GLIS3: variants seen among roughly 807,000 people sequenced by gnomAD.
The protein encoded by GLIS3 is zinc finger protein GLIS3.
Under a neutral mutation model 78.6 loss-of-function variants are expected in GLIS3, and 53 were observed. The ratio of observed to expected loss-of-function variants is 0.67; its 90% CI spans 0.54 to 0.85. The LOEUF is 0.85. GLIS3 is among the 40% of genes least tolerant of loss of function. GLIS3 has a pLI of 0.00. For synonymous variants in GLIS3, 684 were observed against 509.9 expected, an observed-to-expected ratio of 1.34 and a Z score of -4.60; for missense variants, 1,703 against 1,231.1, an observed-to-expected ratio of 1.38 and a Z score of -5.74.
chr9:4,304,122 C>T (rs1396199874), upstream of GLIS3, among the ~76,000 whole-genome samples: 1 of 152,208 alleles, frequency 6.6e-6, no homozygotes, highest in African/African-American at 2.4e-5. Context: ...GGTTTCTTCA[C>T]CTTCAGAGAT....
chr9:4,130,458 G>C (rs568087974), intron 2 of GLIS3, among the ~76,000 whole-genome samples: 1 of 152,326 alleles, frequency 6.6e-6, no homozygotes, highest in Non-Finnish European at 1.5e-5. Context: ...CCAGGGCCCT[G>C]CTGCACTGCA....
chr9:4,353,853 G>A, the GLIS3 span, among the ~76,000 whole-genome samples: 1 of 152,132 alleles, frequency 6.6e-6, no homozygotes, highest in Admixed American at 6.5e-5. Flanking sequence ...CTGAAGAACT[G>A]CAGGAAATCT....
intron 8 of GLIS3, among the ~76,000 whole-genome samples, chr9:3,877,521 A>C (rs1821396475): frequency 6.6e-6 from 1 of 152,210 alleles, no homozygotes; most frequent in African/African-American, 2.4e-5. Context: ...TCCTAAAGTC[A>C]GTTTATTATT....
intron 2 of GLIS3, among the ~76,000 whole-genome samples, chr9:4,341,940 G>T (rs1409078358): frequency 6.6e-6 from 1 of 151,996 alleles, no homozygotes; most frequent in Admixed American, 6.5e-5. Context: ...ATCTTTTAAT[G>T]GGGATGTATG....
At position 4,210,469 on chromosome 9, in the gene GLIS3, G is replaced by A. The variant is rs1252684381; in HGVS notation, c.388+75569C>T. On this transcript the variant is annotated intron_variant, in intron 2 of 10. Coordinates refer to ENST00000381971, the MANE Select transcript of GLIS3 (RefSeq NM_001042413.2). ...GGGCTGTGCAACATGCTCTGAATTA[G>A]AATAGAATAGAATTTCAAATGTGGC... Among the ~76,000 whole-genome samples, 5 of 152,188 alleles carry A rather than the reference G, an allele frequency of 3.3e-5. No homozygotes were observed. In the South Asian group the frequency reaches 8.3e-4, roughly 25 times the overall value.
intron 2 of GLIS3, among the ~76,000 whole-genome samples, chr9:4,173,883 A>C (rs1366341573): frequency 6.6e-6 from 1 of 151,796 alleles, no homozygotes; most frequent in Non-Finnish European, 1.5e-5. Flanking sequence ...GCTAAAGAAG[A>C]CATGAATCCT....
intron 4 of GLIS3, among the ~76,000 whole-genome samples, chr9:4,009,022 C>G (rs1243299503): frequency 6.6e-6 from 1 of 152,180 alleles, no homozygotes; most frequent in East Asian, 1.9e-4. Context: ...ACCGGAGCCA[C>G]ACATGCAACT....
At chr9:4,189,116 T>C (rs1249044375) in intron 2 of GLIS3, among the ~76,000 whole-genome samples, 2 of 151,558 alleles carry the variant, frequency 1.3e-5, no homozygotes, top group Non-Finnish European at 3.0e-5. Context: ...TCTTTCCTGC[T>C]TTCTCTTGTG....
At chr9:4,235,843 G>A (rs1006290837) in intron 2 of GLIS3, among the ~76,000 whole-genome samples, 18 of 152,108 alleles carry the variant, frequency 1.2e-4, no homozygotes, top group Admixed American at 9.2e-4. Context: ...CCAAAAGAAA[G>A]AAACACAGGA....
chr9:4,265,149 G>A (rs1264834545), intron 2 of GLIS3, among the ~76,000 whole-genome samples: 5 of 145,236 alleles, frequency 3.4e-5, no homozygotes, highest in African/African-American at 7.8e-5. Flanking sequence ...TCCAAACTGG[G>A]CAACAGAGTG....
chr9:4,258,282 T>C (rs539047413), intron 2 of GLIS3, among the ~76,000 whole-genome samples: 1 of 152,134 alleles, frequency 6.6e-6, no homozygotes, highest in East Asian at 1.9e-4. Flanking sequence ...CCATAAAGAA[T>C]AGTGAAATCT....
chr9:4,341,161 GA>G (rs1441740226), intron 2 of GLIS3, among the ~76,000 whole-genome samples: 11 of 152,182 alleles, frequency 7.2e-5, no homozygotes, highest in African/African-American at 2.7e-4. Flanking sequence ...TGCATTATCT[GA>G]TCCACAGGCT....
intron 4 of GLIS3, among the ~76,000 whole-genome samples, chr9:3,988,677 G>A (rs750955128): frequency 1.3e-4 from 20 of 151,960 alleles, no homozygotes; most frequent in Non-Finnish European, 2.6e-4. Flanking sequence ...TACAACAATT[G>A]GTGCTGGAGC....
chr9:4,367,795 C>T, the GLIS3 span, among the ~76,000 whole-genome samples: 1 of 152,052 alleles, frequency 6.6e-6, no homozygotes, highest in Non-Finnish European at 1.5e-5. Context: ...AAAGAAGAGA[C>T]ATTTATTATA....
intron 2 of GLIS3, among the ~76,000 whole-genome samples, chr9:4,237,104 G>A (rs1273017183): frequency 9.1e-6 from 1 of 110,420 alleles, no homozygotes; most frequent in Non-Finnish European, 2.3e-5. Context: ...TCACCAACAT[G>A]TTCACTTCCT....
At chr9:4,267,975 GTA>G (rs1826169980) in intron 2 of GLIS3, among the ~76,000 whole-genome samples, 2 of 151,544 alleles carry the variant, frequency 1.3e-5, no homozygotes, top group Non-Finnish European at 1.5e-5. Context: ...GTGTGTGTGT[GTA>G]TGTGCATGTG....
chr9:4,137,246 C>G (rs1833469667), intron 2 of GLIS3, among the ~76,000 whole-genome samples: 1 of 152,118 alleles, frequency 6.6e-6, no homozygotes, highest in South Asian at 2.1e-4. Context: ...CAAAGACAGC[C>G]AATAAATAGG....
chr9:4,120,832 G>A (rs890648110), intron 3 of GLIS3, among the ~76,000 whole-genome samples: 2 of 152,150 alleles, frequency 1.3e-5, no homozygotes, highest in African/African-American at 4.8e-5. Context: ...ACAGACAGAA[G>A]TATGTTATCC....
In GLIS3 at chr9:4,065,305, C is replaced by G. The variant is rs891503026; in HGVS notation, c.1710+52463G>C. ...GCAGAAAAAGGAGCATTAGAGAAAC[C>G]GAACAAAGGATGATTCAAGAGCAAC... On this transcript the variant is annotated intron_variant, in intron 4 of 10. Coordinates refer to ENST00000381971, the MANE Select transcript of GLIS3 (RefSeq NM_001042413.2). Among the ~76,000 whole-genome samples the G allele has an allele frequency of 5.3e-5, 8 of 152,236 alleles. No individual in the cohort carries two copies. The South Asian group carries it at 1.0e-3, about 20-fold the overall frequency.
Sources: gnomAD v4.1 joint callset for allele counts (sites outside exome capture counted in the v4.1 genomes callset) on GRCh38, gnomAD v4.1.1 for gene constraint, MANE v1.5 for transcripts, NCBI Gene and HGNC (gene_info 2026-07-23, HGNC 2026-07-21) for gene names.